PLEKHA6: variants seen among roughly 807,000 people sequenced by gnomAD.
The protein encoded by PLEKHA6 is pleckstrin homology domain containing A6.
A neutral mutation model predicts 116.7 loss-of-function variants in PLEKHA6; 60 were observed. That is an observed-to-expected ratio of 0.51 (90% CI 0.42 to 0.64). PLEKHA6 has a LOEUF of 0.64. Ranked by LOEUF, PLEKHA6 falls within the 30% of genes least tolerant of loss-of-function variation. PLEKHA6 has a pLI of 0.00. For synonymous variants in PLEKHA6, 489 were observed against 556.1 expected (o/e 0.88, Z 1.70); for missense variants, 1,338 against 1,422.7 (o/e 0.94, Z 0.96).
intron 1 of PLEKHA6, among the ~76,000 whole-genome samples, chr1:204,279,310 T>A (rs2102946999): frequency 6.6e-6 from 1 of 152,330 alleles, no homozygotes. Context: ...CTTCCCCTGC[T>A]CATCAAGAGC....
intron 1 of PLEKHA6, among the ~76,000 whole-genome samples, chr1:204,356,119 G>GA (rs1477056449): frequency 1.3e-5 from 2 of 152,080 alleles, no homozygotes; most frequent in African/African-American, 4.8e-5. Flanking sequence ...CAACCTAAGG[G>GA]AAAAAAGTAT....
rs1668110661 is a variant in PLEKHA6 at position 204,277,224 on chromosome 1, C to T, written c.-94-2415G>A. On this transcript the variant is annotated intron_variant, in intron 1 of 22. Transcript: ENST00000272203. This position sits in a 1 kb window ranked among gnomAD's most constrained non-coding sequence, Gnocchi z 4.1. ...CTCTGGAGAACCAGGAGGGCACTCT[C>T]CTTGGGTGGTGGTAGGGGTCGCCTA... 6.6e-6 allele frequency: 1 copy of T among 152,458 alleles called. No individual in the cohort carries two copies. Among genetic ancestry groups the T allele is most frequent in the African/African-American group, 2.4e-5 (1 of 41,428 alleles). 9.4% of individuals were successfully genotyped at this position (152,458 alleles called of 1,614,324 possible).
chr1:204,312,420 C>T (rs952391615), intron 1 of PLEKHA6, among the ~76,000 whole-genome samples: 5 of 152,190 alleles, frequency 3.3e-5, no homozygotes, highest in Non-Finnish European at 5.9e-5. Context: ...AAACACTCAA[C>T]GGCAGAGTGA....
intron 1 of PLEKHA6, among the ~76,000 whole-genome samples, chr1:204,331,900 C>A (rs78767317): frequency 0.045 from 6,837 of 151,722 alleles, 165 homozygotes; most frequent in African/African-American, 0.052. Flanking sequence ...CCCGAGAGGC[C>A]CCAGTGTCCA....
chr1:204,286,933 A>G (rs1278827016), intron 1 of PLEKHA6, among the ~76,000 whole-genome samples: 2 of 151,960 alleles, frequency 1.3e-5, no homozygotes, highest in Non-Finnish European at 2.9e-5. Context: ...CCTTCCCCCT[A>G]TTGTGCCTGG....
intron 9 of PLEKHA6, among the ~76,000 whole-genome samples, chr1:204,254,644 TG>T (rs1388509399): frequency 6.6e-6 from 1 of 152,150 alleles, no homozygotes; most frequent in Non-Finnish European, 1.5e-5. Flanking sequence ...AGCTGTAAAA[TG>T]GGGGTAATAA....
At chr1:204,321,398 T>C (rs950593348) in intron 1 of PLEKHA6, among the ~76,000 whole-genome samples, 4 of 151,952 alleles carry the variant, frequency 2.6e-5, no homozygotes, top group Middle Eastern at 3.4e-3. Context: ...TGTAGGGCTG[T>C]CAAGGCTTTT....
At chr1:204,373,428 C>T (rs987195544) in intron 1 of PLEKHA6, among the ~76,000 whole-genome samples, 3 of 152,070 alleles carry the variant, frequency 2.0e-5, no homozygotes, top group Non-Finnish European at 2.9e-5. Flanking sequence ...CTATGTTGCC[C>T]AGGTTGGTTA....
rs1385162206 is a variant in PLEKHA6 at position 204,250,621 on chromosome 1, G to C, written c.1525-7C>G. 6.2e-7 allele frequency: 1 copy of C among 1,605,786 alleles called. No individual in the cohort carries two copies. The highest frequency in any genetic ancestry group is 1.7e-5 in the Admixed American group (1 of 60,012). ...CTTCTGGGTATGGAGGGACCTGCAG[G>C]AACATGAGGCCGGTTACTGCAGCAG... On this transcript the variant is annotated splice_region_variant and splice_polypyrimidine_tract_variant and intron_variant, in intron 9 of 22. Transcript: ENST00000272203.
intron 1 of PLEKHA6, among the ~76,000 whole-genome samples, chr1:204,290,744 C>T (rs1572088531): frequency 1.3e-5 from 2 of 152,172 alleles, no homozygotes; most frequent in East Asian, 1.9e-4. Flanking sequence ...AATCCCAGCA[C>T]TTTCGGGTGC....
intron 1 of PLEKHA6, chr1:204,299,588 C>T: frequency 3.1e-6 from 3 of 975,730 alleles, no homozygotes; most frequent in Non-Finnish European, 3.7e-6. Context: ...AGAGGACAGC[C>T]ATTATTGAGG....
chr1:204,242,813 G>T (rs898053032), intron 15 of PLEKHA6, among the ~76,000 whole-genome samples: 4 of 152,202 alleles, frequency 2.6e-5, no homozygotes, highest in Non-Finnish European at 5.9e-5. Flanking sequence ...GGTCATGTTG[G>T]TAGGGAGTGG....
chr1:204,249,601 G>C (rs1664264726), intron 10 of PLEKHA6, among the ~76,000 whole-genome samples: 1 of 152,210 alleles, frequency 6.6e-6, no homozygotes, highest in Admixed American at 6.5e-5. Context: ...CTGGACTGAA[G>C]AGGTGGGCCG....
chr1:204,257,664 G>T lies in PLEKHA6; in HGVS notation c.1213C>A (p.Gln405Lys). 6.2e-7 allele frequency: 1 copy of T among 1,610,160 alleles called. No individual in the cohort carries two copies. The highest frequency in any genetic ancestry group is 8.5e-7 in the Non-Finnish European group (1 of 1,178,362). The change falls in exon 9 of 23, where the codon CAG (glutamine) becomes AAG (lysine). Residue 405 changes from glutamine to lysine, a missense_variant. Physicochemically the swap from Gln to Lys is moderately conservative, Grantham distance 53. Coordinates refer to ENST00000272203, the MANE Select transcript of PLEKHA6 (RefSeq NM_014935.5). This position sits in a 1 kb window ranked among gnomAD's most constrained non-coding sequence, Gnocchi z 6.5. ...AFRNGGGPAY[Q>K]LREWKEPASY... Reference sequence around the variant, plus strand: ...GCGGGCTCCTTCCACTCTCGCAGCTGGTAGGCAGGGCCACCCCCATTGCGG... The same window carrying T: ...GCGGGCTCCTTCCACTCTCGCAGCTTGTAGGCAGGGCCACCCCCATTGCGG...
chr1:204,346,415 G>A (rs950815726), intron 1 of PLEKHA6, among the ~76,000 whole-genome samples: 3 of 1,658 alleles, frequency 1.8e-3, no homozygotes, highest in Admixed American at 0.019. Flanking sequence ...GGGCACCTGA[G>A]GGTGGCCAGC....
intron 17 of PLEKHA6, 59 bp downstream of exon 17, chr1:204,241,316 C>G: frequency 9.5e-7 from 1 of 1,055,106 alleles, no homozygotes; most frequent in Non-Finnish European, 1.4e-6. Flanking sequence ...TAGGTACACA[C>G]ACAGGCCCCT....
intron 1 of PLEKHA6, among the ~76,000 whole-genome samples, chr1:204,350,391 T>G (rs1020140830): frequency 3.3e-5 from 5 of 152,238 alleles, no homozygotes; most frequent in African/African-American, 1.2e-4. Flanking sequence ...ACTTGTGTTC[T>G]GCCCTCAGCA....
chr1:204,283,470 A>G (rs1668850173), intron 1 of PLEKHA6, among the ~76,000 whole-genome samples: 1 of 152,222 alleles, frequency 6.6e-6, no homozygotes, highest in Non-Finnish European at 1.5e-5. Flanking sequence ...ATGAAGAGAA[A>G]AATAAAACGC....
intron 1 of PLEKHA6, among the ~76,000 whole-genome samples, chr1:204,302,552 C>T (rs978613298): frequency 6.6e-6 from 1 of 152,156 alleles, no homozygotes; most frequent in Non-Finnish European, 1.5e-5. Flanking sequence ...TGGGGAAAGC[C>T]ACCACTGGAG....
Sources: gnomAD v4.1 joint callset for allele counts (sites outside exome capture counted in the v4.1 genomes callset) on GRCh38, gnomAD v4.1.1 for gene constraint, Gnocchi (gnomAD v3.1) non-coding constraint, MANE v1.5 for transcripts, NCBI Gene and HGNC (gene_info 2026-07-23, HGNC 2026-07-21) for gene names.